PTPRN: variants seen among roughly 807,000 people sequenced by gnomAD.
PTPRN encodes the protein protein tyrosine phosphatase receptor type N, also known as receptor-type tyrosine-protein phosphatase-like N.
In PTPRN, 70 loss-of-function variants were observed where a neutral mutation model predicts 108.5. That is an observed-to-expected ratio of 0.65 (90% CI 0.53 to 0.79). PTPRN has a LOEUF of 0.79. PTPRN is among the 30% of genes least tolerant of loss of function. The probability of loss-of-function intolerance (pLI) is 0.00; values close to 1 mark genes in which losing one functional copy is unlikely to be tolerated. For synonymous variants in PTPRN, 496 were observed against 524.6 expected, an observed-to-expected ratio of 0.95 and a Z score of 0.75; for missense variants, 1,136 against 1,295.5, an observed-to-expected ratio of 0.88 and a Z score of 1.89.
At position 219,296,936 on chromosome 2, in the gene PTPRN, T is replaced by C. The variant is rs1162594317; in HGVS notation, c.2236+49A>G. Reference sequence around the variant, plus strand: ...CCCCTTACCCCAAGCCCTCCAGACCTCGCAGCAGAGAGAGGGCTGGGCCAG... The same window carrying C: ...CCCCTTACCCCAAGCCCTCCAGACCCCGCAGCAGAGAGAGGGCTGGGCCAG... On this transcript the variant is annotated intron_variant, in intron 15 of 22. Transcript: ENST00000295718. This position sits in a 1 kb window ranked among gnomAD's most constrained non-coding sequence, Gnocchi z 6.0. The C allele has an allele frequency of 6.2e-7, 1 of 1,612,630 alleles. No homozygotes were observed. The highest frequency in any genetic ancestry group is 1.7e-5 in the Admixed American group (1 of 59,972).
At chr2:219,292,527 T>G (rs1161972925) in intron 19 of PTPRN, 1 of 152,154 alleles carries the variant, frequency 6.6e-6, no homozygotes, top group Non-Finnish European at 1.5e-5. Context: ...GTCCACATGG[T>G]TTTCTAGCTC....
In PTPRN at chr2:219,297,390, C is replaced by G; in HGVS notation, c.1931G>C (p.Arg644Pro). ...TGAAGGCTCCGGTGGACCCTCTGCC[C>G]GGTTGAACAAGGACTTCGTGGCCAT... ...QHMATKSLFN[R>P]AEGPPEPSRV... The change falls in exon 14 of 23, where the codon CGG becomes CCG. Residue 644 changes from arginine (R) to proline (P), a missense_variant. Physicochemically the swap from Arg to Pro is moderately radical, Grantham distance 103. Transcript: ENST00000295718. This position sits in a 1 kb window ranked among gnomAD's most constrained non-coding sequence, Gnocchi z 6.0. 6.2e-7 allele frequency: 1 copy of G among 1,614,068 alleles called. No individual in the cohort carries two copies. The highest frequency in any genetic ancestry group is 8.5e-7 in the Non-Finnish European group (1 of 1,180,020).
intron 19 of PTPRN, chr2:219,294,011 C>A (rs1190213909): frequency 4.2e-6 from 2 of 471,112 alleles, no homozygotes; most frequent in Non-Finnish European, 8.7e-6. Flanking sequence ...ATCCAGAGAT[C>A]CTCCCACACT....
At chr2:219,306,647 C>G (rs1952492226) in intron 3 of PTPRN, among the ~76,000 whole-genome samples, 1 of 152,196 alleles carries the variant, frequency 6.6e-6, no homozygotes, top group Non-Finnish European at 1.5e-5. Flanking sequence ...ATCCCTTCCC[C>G]CATTACCTAC....
chr2:219,308,082 G>A, intron 1 of PTPRN: 1 of 534,014 alleles, frequency 1.9e-6, no homozygotes, highest in South Asian at 2.3e-5. Context: ...GCTTAACTGA[G>A]TGATAGGGAA....
In PTPRN at chr2:219,290,106, A is replaced by T; in HGVS notation, c.*120T>A. 1.0e-6 allele frequency: 1 copy of T among 957,866 alleles called. No individual in the cohort carries two copies. Among genetic ancestry groups the T allele is most frequent in the Non-Finnish European group, 1.6e-6 (1 of 613,808 alleles). The allele number at this position is 957,866 out of a possible 1,614,324, so 59.3% of individuals were successfully genotyped here. A position where few individuals can be genotyped will look rare whatever the true frequency, so the allele number is the denominator to read the frequency against. On this transcript the variant is annotated 3_prime_UTR_variant, in exon 23 of 23. Transcript: ENST00000295718. The surrounding 1 kb of genome is among the most constrained non-coding windows in gnomAD (Gnocchi z 4.2). ...CTGGCTTTCCCTTCCTGACTCTTCT[A>T]GGAAGGGCTGAGCATGCCCAAGAGG...
At chr2:219,298,187 C>T (rs1246471716) in intron 12 of PTPRN, 84 bp from the exon 13 acceptor site, 2 of 1,357,120 alleles carry the variant, frequency 1.5e-6, no homozygotes, top group Non-Finnish European at 2.1e-6. Context: ...CATGCCACAC[C>T]CCCTGTTAGG....
At chr2:219,303,664 C>T in intron 4 of PTPRN, 71 bp downstream of exon 4, 1 of 1,446,658 alleles carries the variant, frequency 6.9e-7, no homozygotes. Flanking sequence ...TTCCCCTTCT[C>T]TCCATCAATT....
At chr2:219,305,962 C>T (rs1167091142) in intron 3 of PTPRN, among the ~76,000 whole-genome samples, 2 of 152,144 alleles carry the variant, frequency 1.3e-5, no homozygotes, top group African/African-American at 4.8e-5. Flanking sequence ...CCAGCCTGGA[C>T]AACATGGTGA....
chr2:219,304,917 GT>G (rs1317132057), intron 3 of PTPRN, among the ~76,000 whole-genome samples: 1 of 152,138 alleles, frequency 6.6e-6, no homozygotes, highest in East Asian at 1.9e-4. Flanking sequence ...TCTAGAAAAA[GT>G]TGTCTATACT....
At chr2:219,298,851 C>T (rs1247896194) in intron 12 of PTPRN, among the ~76,000 whole-genome samples, 196 bp downstream of exon 12, 2 of 152,252 alleles carry the variant, frequency 1.3e-5, no homozygotes, top group African/African-American at 4.8e-5. Flanking sequence ...GCTGGTCCTG[C>T]AGGGAGGGGA....
Position 219,290,346 on chromosome 2 carries a change from T to C in PTPRN, c.2869-49A>G. ...GGTCATGGAGAGGGCTGACCTGTGC[T>C]CTGCCCTCAAGATGGGGGGCTTTTG... is the stretch of plus-strand genomic sequence containing the variant. On this transcript the variant is annotated intron_variant, in intron 22 of 22. Coordinates refer to ENST00000295718, the MANE Select transcript of PTPRN (RefSeq NM_002846.4). This position sits in a 1 kb window ranked among gnomAD's most constrained non-coding sequence, Gnocchi z 4.2. 1 of 1,169,598 alleles carries C rather than the reference T, an allele frequency of 8.5e-7. No individual in the cohort carries two copies. The highest frequency in any genetic ancestry group is 1.3e-6 in the Non-Finnish European group (1 of 793,662). The allele number at this position is 1,169,598 out of a possible 1,614,324, so 72.5% of individuals were successfully genotyped here. A position where few individuals can be genotyped will look rare whatever the true frequency, so the allele number is the denominator to read the frequency against.
rs756638015 is a variant in PTPRN at position 219,290,216 on chromosome 2, C to T, written c.*10G>A. 1.9e-6 allele frequency: 3 copies of T among 1,613,306 alleles called. No individual in the cohort carries two copies. The highest frequency in any genetic ancestry group is 2.5e-6 in the Non-Finnish European group (3 of 1,179,442). ...AGAGGCTGGGCTGCCCGCCAAGGGG[C>T]CCCAGGGTCTCACTGGGGCAGGGCC... On this transcript the variant is annotated 3_prime_UTR_variant, in exon 23 of 23. Coordinates refer to ENST00000295718, the MANE Select transcript of PTPRN (RefSeq NM_002846.4). The surrounding 1 kb of genome is among the most constrained non-coding windows in gnomAD (Gnocchi z 4.2).
chr2:219,299,831 T>C (rs369136315), intron 9 of PTPRN, 45 bp from the exon 10 acceptor site: 191 of 1,565,444 alleles, frequency 1.2e-4, no homozygotes, highest in Non-Finnish European at 1.6e-4. Context: ...GGCAACCCTC[T>C]CAGTCACTTT....
rs760923315 is a variant in PTPRN, at chr2:219,297,034, C to T, written c.2187G>A (p.Ala729=). The T allele has an allele frequency of 4.6e-5, 75 of 1,614,052 alleles. No homozygotes were observed. The highest frequency in any genetic ancestry group is 1.3e-4 in the African/African-American group (10 of 75,044). Residue 729 remains alanine, a synonymous_variant, in exon 15 of 23, where the codon GCG becomes GCA. Transcript: ENST00000295718. This position sits in a 1 kb window ranked among gnomAD's most constrained non-coding sequence, Gnocchi z 6.0. ...YQAEPNTCAT[A]QGEGNIKKNR... The stretch of plus-strand genomic sequence containing the variant: ...TCTTTTTGATGTTGCCCTCCCCCTG[C>T]GCGGTGGCACAGGTGTTTGGCTCTG...
In PTPRN at chr2:219,307,526, C is replaced by T; in HGVS notation, c.198G>A (p.Val66=). The T allele has an allele frequency of 6.2e-7, 1 of 1,614,128 alleles. No homozygotes were observed. The highest frequency in any genetic ancestry group is 8.5e-7 in the Non-Finnish European group (1 of 1,180,002). ...DGLFGQCQVG[V]GQARPLLQVT... is the part of the protein sequence containing the mutation. ...CTTGCAAAAGGGGCCGGGCCTGCCC[C>T]ACTCCCACCTGGCACTGCCCAAACA... Residue 66 remains valine, a synonymous_variant, in exon 3 of 23, where the codon GTG becomes GTA. Transcript: ENST00000295718.
chr2:219,307,734 G>GT (rs1553584883), intron 2 of PTPRN, 58 bp downstream of exon 2: 1 of 1,589,710 alleles, frequency 6.3e-7, no homozygotes, highest in Non-Finnish European at 8.6e-7. Context: ...TCCCCTTCTT[G>GT]TTTTTTATTG....
Position 219,301,660 on chromosome 2 carries a change from G to A in PTPRN, c.1054C>T (p.Leu352=), listed in dbSNP as rs771621677. The change falls in exon 7 of 23, where the codon CTG becomes TTG. Residue 352 remains leucine (L), a synonymous_variant. Coordinates refer to ENST00000295718, the MANE Select transcript of PTPRN (RefSeq NM_002846.4). The stretch of plus-strand genomic sequence containing the variant: ...AGTGTGGAGAGCTGCTCAGGGGTCA[G>A]CTGACGCAGCTCTACCCCATAGCCC... ...LAGYGVELRQ[L]TPEQLSTLLT... The A allele has an allele frequency of 6.2e-7, 1 of 1,613,646 alleles. No homozygotes were observed. Among genetic ancestry groups the A allele is most frequent in the South Asian group, 1.1e-5 (1 of 91,076 alleles).
At chr2:219,299,426 C>T in intron 10 of PTPRN, 42 bp from the exon 11 acceptor site, 2 of 1,593,222 alleles carry the variant, frequency 1.3e-6, no homozygotes, top group Non-Finnish European at 1.7e-6. Context: ...CCACCCCAGA[C>T]CGCAGACTTC....
Sources: allele counts gnomAD v4.1 joint callset (sites outside exome capture counted in the v4.1 genomes callset), GRCh38; gene constraint gnomAD v4.1.1; non-coding constraint Gnocchi (gnomAD v3.1); transcripts MANE v1.5; gene names NCBI Gene and HGNC (gene_info 2026-07-23, HGNC 2026-07-21).